The following KLHL12 variants were observed in gnomAD, a reference collection of about 807,000 sequenced individuals.
KLHL12 encodes kelch like family member 12.
KLHL12 carries 17 observed loss-of-function variants against 60.8 expected under a neutral mutation model. That is an observed-to-expected ratio of 0.28 (90% CI 0.19 to 0.42). The LOEUF is 0.42. Ranked by LOEUF, KLHL12 falls within the 10% of genes least tolerant of loss-of-function variation. The probability of loss-of-function intolerance (pLI) is 1.00; values close to 1 mark genes in which losing one functional copy is unlikely to be tolerated. For missense variants in KLHL12, 468 were observed against 722.3 expected, an observed-to-expected ratio of 0.65 and a Z score of 4.04; for synonymous variants, 220 against 250.9, an observed-to-expected ratio of 0.88 and a Z score of 1.16.
At position 202,925,202 on chromosome 1, in the gene KLHL12, C is replaced by A; in HGVS notation, c.-40G>T. The A allele has an allele frequency of 6.2e-7, 1 of 1,610,212 alleles. No homozygotes were observed. The highest frequency in any genetic ancestry group is 8.5e-7 in the Non-Finnish European group (1 of 1,178,564). ...AAAGAACAAAATGGGTCCTTGGATTCTGCAACTACAAGAGGGAAAAAAAAA... is the reference window on the plus strand; with the variant it reads ...AAAGAACAAAATGGGTCCTTGGATTATGCAACTACAAGAGGGAAAAAAAAA... On this transcript the variant is annotated 5_prime_UTR_variant, in exon 2 of 12. Transcript: ENST00000367261.
At chr1:202,896,081 T>C (rs1659822976) in intron 7 of KLHL12, among the ~76,000 whole-genome samples, 1 of 152,196 alleles carries the variant, frequency 6.6e-6, no homozygotes, top group Non-Finnish European at 1.5e-5. Context: ...AATCAAAGGA[T>C]GAGGATTTAT....
chr1:202,903,629 C>CTTTTCTTTTTTTTTTTTTTT (rs1473582493), intron 6 of KLHL12, among the ~76,000 whole-genome samples: 2 of 76,086 alleles, frequency 2.6e-5, no homozygotes, highest in African/African-American at 9.0e-5. Flanking sequence ...TTTTTCTTTT[C>CTTTTCTTTTTTTTTTTTTTT]TTTTTTTTTT....
At chr1:202,917,812 T>C (rs1318075772) in intron 4 of KLHL12, among the ~76,000 whole-genome samples, 1 of 152,248 alleles carries the variant, frequency 6.6e-6, no homozygotes, top group Non-Finnish European at 1.5e-5. Context: ...TGGGGATCTG[T>C]AGCACCTGGC....
intron 6 of KLHL12, among the ~76,000 whole-genome samples, chr1:202,903,450 A>C: frequency 1.1e-5 from 1 of 88,496 alleles, no homozygotes. Context: ...TGTTTCTCTC[A>C]TGCATTCTTG....
upstream of KLHL12, among the ~76,000 whole-genome samples, chr1:202,927,727 C>T (rs1653673660): frequency 2.0e-5 from 3 of 149,092 alleles, no homozygotes; most frequent in Admixed American, 6.7e-5. Flanking sequence ...CGCCTGTAAT[C>T]CCGGCACTTT....
Position 202,892,626 on chromosome 1 carries a change from T to C in KLHL12, c.1614A>G (p.Glu538=), listed in dbSNP as rs775054022. The C allele has an allele frequency of 3.7e-6, 6 of 1,614,070 alleles. No individual in the cohort carries two copies. The highest frequency in any genetic ancestry group is 5.1e-6 in the Non-Finnish European group (6 of 1,179,988). The change falls in exon 12 of 12, where the codon GAA becomes GAG. Residue 538 remains glutamate, a synonymous_variant. Coordinates refer to ENST00000367261, the MANE Select transcript of KLHL12 (RefSeq NM_021633.4). ...YDGNSLLSSI[E]CYDPIIDSWE... is the part of the protein sequence containing the mutation. The stretch of plus-strand genomic sequence containing the variant: ...AGCTGTCGATGATAGGGTCATAACA[T>C]TCAATGCTACTTAGCAGGGAATTAC...
chr1:202,922,484 C>G (rs1660725218), intron 2 of KLHL12, among the ~76,000 whole-genome samples: 2 of 151,182 alleles, frequency 1.3e-5, no homozygotes. Flanking sequence ...CAAAGAAGAT[C>G]CAAGACTTTT....
chr1:202,906,455 CAAAAAA>C (rs59435824), intron 6 of KLHL12, among the ~76,000 whole-genome samples: 1 of 52,742 alleles, frequency 1.9e-5, no homozygotes, highest in African/African-American at 6.9e-5. Context: ...CGCTTCGTCT[CAAAAAA>C]AAAAAAAAAA....
rs1482490145 is a variant in KLHL12 at position 202,894,518 on chromosome 1, G to A, written c.1294+73C>T. 5.4e-6 allele frequency: 8 copies of A among 1,492,766 alleles called. No homozygotes were observed. In the African/African-American group the frequency reaches 1.1e-4, roughly 21 times the overall value. The allele number at this position is 1,492,766 out of a possible 1,614,324, so 92.5% of individuals were successfully genotyped here. On this transcript the variant is annotated intron_variant, in intron 9 of 11. Transcript: ENST00000367261. ...AGGGAAGTCTATGAACGTCATTTTG[G>A]TAAAAAGGAATCCTTACCCACAGCC... is the stretch of plus-strand genomic sequence containing the variant.
intron 6 of KLHL12, among the ~76,000 whole-genome samples, chr1:202,904,016 T>TATCTATC (rs1553236679): frequency 0.019 from 2,837 of 150,110 alleles, 26 homozygotes; most frequent in African/African-American, 0.03. Flanking sequence ...ATCTATCTAT[T>TATCTATC]TATCTATCTA....
chr1:202,927,519 CA>C (rs869139683), upstream of KLHL12, among the ~76,000 whole-genome samples: 3,223 of 52,712 alleles, frequency 0.061, 110 homozygotes, highest in South Asian at 0.21. Context: ...CCCGTTTCTA[CA>C]AAAAAAAAAA....
chr1:202,928,155 G>T (rs1653707747), upstream of KLHL12, among the ~76,000 whole-genome samples: 1 of 149,032 alleles, frequency 6.7e-6, no homozygotes, highest in African/African-American at 2.5e-5. Flanking sequence ...GGCGCCAGTA[G>T]TCCCAGCTAC....
At chr1:202,917,323 T>TC (rs1295190676) in intron 4 of KLHL12, among the ~76,000 whole-genome samples, 1 of 152,136 alleles carries the variant, frequency 6.6e-6, no homozygotes, top group East Asian at 1.9e-4. Flanking sequence ...CCAGAGATCC[T>TC]CCCACCTCAG....
Position 202,893,134 on chromosome 1 carries a change from G to T in KLHL12, c.1580+105C>A. ...AAAAAATCAAGTTGCCACTGGAGATGTCTACCCCTACCCAAGTCTTGTCTC... is the reference window on the plus strand; with the variant it reads ...AAAAAATCAAGTTGCCACTGGAGATTTCTACCCCTACCCAAGTCTTGTCTC... On this transcript the variant is annotated intron_variant, in intron 11 of 11. Transcript: ENST00000367261. This position sits in a 1 kb window ranked among gnomAD's most constrained non-coding sequence, Gnocchi z 4.1. 1.2e-6 allele frequency: 1 copy of T among 868,136 alleles called. No individual in the cohort carries two copies. The allele number at this position is 868,136 out of a possible 1,614,324, so 53.8% of individuals were successfully genotyped here. A position where few individuals can be genotyped will look rare whatever the true frequency, so the allele number is the denominator to read the frequency against.
intron 6 of KLHL12, among the ~76,000 whole-genome samples, chr1:202,899,646 CA>C (rs112884263): frequency 0.23 from 35,055 of 151,308 alleles, 4,586 homozygotes; most frequent in East Asian, 0.56. Flanking sequence ...TCTAACATGG[CA>C]AAACCCCGTC....
In KLHL12 at chr1:202,893,297, T is replaced by C; in HGVS notation, c.1522A>G (p.Thr508Ala). Residue 508 changes from threonine (T) to alanine (A), a missense_variant, in exon 11 of 12, where the codon ACT becomes GCT. Physicochemically the swap from Thr to Ala is moderately conservative, Grantham distance 58. Transcript: ENST00000367261. This position sits in a 1 kb window ranked among gnomAD's most constrained non-coding sequence, Gnocchi z 4.1. ...DSWTTVTSMT[T>A]PRCYVGATVL... ...GTGGCCCCTACATAGCATCGTGGAG[T>C]GGTCATACTGGTGACAGTTGTCCAG... is the stretch of plus-strand genomic sequence containing the variant. The C allele has an allele frequency of 6.2e-7, 1 of 1,612,972 alleles. No individual in the cohort carries two copies. Among genetic ancestry groups the C allele is most frequent in the Non-Finnish European group, 8.5e-7 (1 of 1,179,810 alleles).
chr1:202,913,896 T>C (rs1034958912), intron 4 of KLHL12, among the ~76,000 whole-genome samples: 1 of 152,228 alleles, frequency 6.6e-6, no homozygotes, highest in Non-Finnish European at 1.5e-5. Context: ...ATTAGCCACA[T>C]TTCAAGTGCC....
chr1:202,906,426 G>A (rs1660191751), intron 6 of KLHL12, among the ~76,000 whole-genome samples: 1 of 129,924 alleles, frequency 7.7e-6, no homozygotes, highest in African/African-American at 3.0e-5. Context: ...CTGCACTCCA[G>A]CCTGGGCAAC....
intron 6 of KLHL12, among the ~76,000 whole-genome samples, chr1:202,901,334 C>T (rs1348931996): frequency 6.6e-6 from 1 of 152,098 alleles, no homozygotes; most frequent in Non-Finnish European, 1.5e-5. Context: ...GGCACAATCT[C>T]AGCTCACCAC....
Sources: allele counts gnomAD v4.1 joint callset (sites outside exome capture counted in the v4.1 genomes callset), GRCh38; gene constraint gnomAD v4.1.1; non-coding constraint Gnocchi (gnomAD v3.1); transcripts MANE v1.5; gene names NCBI Gene and HGNC (gene_info 2026-07-23, HGNC 2026-07-21).